PYGO1: variants seen among roughly 807,000 people sequenced by gnomAD.
PYGO1 encodes pygopus homolog 1.
In PYGO1, 6 loss-of-function variants were observed where a neutral mutation model predicts 29.5. That is an observed-to-expected ratio of 0.20 (90% CI 0.11 to 0.40). The LOEUF (loss-of-function observed/expected upper bound fraction) is 0.40, where lower values mean the gene tolerates loss of function less well. PYGO1 is among the 10% of genes least tolerant of loss of function. The pLI, the probability that PYGO1 is intolerant of heterozygous loss-of-function variation, is 1.00. For missense variants in PYGO1, 515 were observed against 514.9 expected, an observed-to-expected ratio of 1.00 and a Z score of 0.00; for synonymous variants, 186 against 180.5, an observed-to-expected ratio of 1.03 and a Z score of -0.24.
At chr15:55,562,409 T>C (rs1412028972) in intron 1 of PYGO1, among the ~76,000 whole-genome samples, 1 of 152,178 alleles carries the variant, frequency 6.6e-6, no homozygotes, top group African/African-American at 2.4e-5. Flanking sequence ...TGGTGGCTCA[T>C]GCCTGTAATC....
chr15:55,580,199 C>A (rs1333785267), intron 1 of PYGO1, among the ~76,000 whole-genome samples: 1 of 152,164 alleles, frequency 6.6e-6, no homozygotes, highest in Admixed American at 6.5e-5. Context: ...TGCAGATATT[C>A]ATAAATATTA....
intron 1 of PYGO1, among the ~76,000 whole-genome samples, chr15:55,571,589 T>C (rs773722504): frequency 2.0e-5 from 3 of 152,166 alleles, no homozygotes; most frequent in African/African-American, 4.8e-5. Context: ...GCACACGCTC[T>C]CTCTTTGCCT....
chr15:55,565,821 CCA>C (rs2141663361), intron 1 of PYGO1, among the ~76,000 whole-genome samples: 5 of 152,260 alleles, frequency 3.3e-5, no homozygotes, highest in African/African-American at 1.2e-4. Context: ...TCTCACTCTG[CCA>C]CCAGGCTGGA....
rs773087656 is a variant in PYGO1 at position 55,546,244 on chromosome 15, T to C, written c.1039A>G (p.Thr347Ala). Residue 347 changes from threonine (T) to alanine (A), a missense_variant, in exon 3 of 3, where the codon ACA (threonine) becomes GCA (alanine). Thr to Ala is a moderately conservative substitution (Grantham distance 58, BLOSUM62 0). Coordinates refer to ENST00000563719, the MANE Select transcript of PYGO1 (RefSeq NM_001367806.1). ...SDPVYPCGIC[T>A]NEVNDDQDAI... is the part of the protein sequence containing the mutation. ...TCCTGATCATCGTTCACCTCGTTTG[T>C]ACAAATTCCACAAGGATACACTGGG... The C allele has an allele frequency of 6.2e-7, 1 of 1,614,180 alleles. No individual in the cohort carries two copies. Among genetic ancestry groups the C allele is most frequent in the Non-Finnish European group, 8.5e-7 (1 of 1,180,008 alleles).
chr15:55,587,643 C>T (rs1248234697), intron 1 of PYGO1, among the ~76,000 whole-genome samples, 192 bp downstream of exon 1: 1 of 151,860 alleles, frequency 6.6e-6, no homozygotes, highest in East Asian at 2.0e-4. Context: ...GGGATCCGCG[C>T]GGATGTCTCG....
Position 55,546,301 on chromosome 15 carries a change from G to A in PYGO1, c.982C>T (p.His328Tyr). 5 of 1,614,214 alleles carry A rather than the reference G, an allele frequency of 3.1e-6. No individual in the cohort carries two copies. The highest frequency in any genetic ancestry group is 1.6e-4 in the Middle Eastern group (1 of 6,062). Reference sequence around the variant, plus strand: ...GACGAATGGCCATGACGGTTTGGGTGAAGAGAGGATTTATTGCTTTTTTCT... The same window carrying A: ...GACGAATGGCCATGACGGTTTGGGTAAAGAGAGGATTTATTGCTTTTTTCT... ...TTEKSNKSSLHPNRHGHSSSD... is the reference protein window; with the variant it reads ...TTEKSNKSSLYPNRHGHSSSD... The change falls in exon 3 of 3, where the codon CAC (histidine) becomes TAC (tyrosine). Residue 328 changes from histidine to tyrosine, a missense_variant. His to Tyr is a moderately conservative substitution (Grantham distance 83). Coordinates refer to ENST00000563719, the MANE Select transcript of PYGO1 (RefSeq NM_001367806.1).
At chr15:55,586,303 G>A (rs1208404887) in intron 1 of PYGO1, among the ~76,000 whole-genome samples, 2 of 151,968 alleles carry the variant, frequency 1.3e-5, no homozygotes, top group East Asian at 1.9e-4. Flanking sequence ...TCTATTCTCC[G>A]CACAGCAGCT....
At chr15:55,573,162 C>T (rs1028830687) in intron 1 of PYGO1, among the ~76,000 whole-genome samples, 7 of 151,958 alleles carry the variant, frequency 4.6e-5, no homozygotes, top group African/African-American at 1.2e-4. Context: ...AAAAATTAGC[C>T]GGGCGTGGTA....
rs2058829426 is a variant in PYGO1 at position 55,541,930 on chromosome 15, G to A, written c.*4093C>T. On this transcript the variant is annotated 3_prime_UTR_variant, in exon 3 of 3. Coordinates refer to ENST00000563719, the MANE Select transcript of PYGO1 (RefSeq NM_001367806.1). ...AGATTATGGTCTAAATGAGCCTTTAGGAGCTTCCCTATTGTGTAGAGTTCC... is the reference window on the plus strand; with the variant it reads ...AGATTATGGTCTAAATGAGCCTTTAAGAGCTTCCCTATTGTGTAGAGTTCC... The A allele has an allele frequency of 6.6e-6, 1 of 152,138 alleles. No individual in the cohort carries two copies. Among genetic ancestry groups the A allele is most frequent in the Non-Finnish European group, 1.5e-5 (1 of 68,032 alleles). 9.4% of individuals were successfully genotyped at this position (152,138 alleles called of 1,614,324 possible). A position where few individuals can be genotyped will look rare whatever the true frequency, so the allele number is the denominator to read the frequency against.
At chr15:55,547,234 G>A in intron 2 of PYGO1, 87 bp from the exon 3 acceptor site, 1 of 1,182,892 alleles carries the variant, frequency 8.5e-7, no homozygotes, top group Non-Finnish European at 1.1e-6. Context: ...TGTGAACCTA[G>A]TATTAGTCAA....
chr15:55,568,142 T>C (rs1418791082), intron 1 of PYGO1, among the ~76,000 whole-genome samples: 1 of 152,220 alleles, frequency 6.6e-6, no homozygotes, highest in East Asian at 1.9e-4. Flanking sequence ...AGAAATAGTG[T>C]TCAATGTGTA....
At chr15:55,576,753 G>A (rs1157657131) in intron 1 of PYGO1, among the ~76,000 whole-genome samples, 2 of 2,520 alleles carry the variant, frequency 7.9e-4, no homozygotes, top group African/African-American at 1.4e-3. Flanking sequence ...CAGCCTGGGC[G>A]ACAGATCAAA....
chr15:55,549,553 C>T (rs2058869619), intron 1 of PYGO1, among the ~76,000 whole-genome samples: 1 of 152,134 alleles, frequency 6.6e-6, no homozygotes, highest in Non-Finnish European at 1.5e-5. Context: ...GTTTCCAAGC[C>T]TCTGCTGTTG....
At chr15:55,570,915 T>C (rs2058977501) in intron 1 of PYGO1, among the ~76,000 whole-genome samples, 1 of 152,188 alleles carries the variant, frequency 6.6e-6, no homozygotes, top group Admixed American at 6.6e-5. Flanking sequence ...CATCTTAAAG[T>C]ATACAGTTCA....
intron 1 of PYGO1, among the ~76,000 whole-genome samples, chr15:55,582,197 G>C (rs894946753): frequency 1.8e-4 from 17 of 92,910 alleles, no homozygotes; most frequent in Admixed American, 5.2e-4. Flanking sequence ...ACAGAGCAAG[G>C]CTCCATCTCA....
At chr15:55,552,758 A>G (rs529451629) in intron 1 of PYGO1, among the ~76,000 whole-genome samples, 3 of 152,282 alleles carry the variant, frequency 2.0e-5, no homozygotes, top group African/African-American at 7.2e-5. Flanking sequence ...CCACTCAGGC[A>G]CACACAGAGA....
rs867302106 is a variant in PYGO1, at chr15:55,540,768, T to C, written c.*5255A>G. ...ACTAGTGCATGTGTTACTTTAGACA[T>C]GTTCTAAGAACAAAACAAAAAGTTA... On this transcript the variant is annotated 3_prime_UTR_variant, in exon 3 of 3. Transcript: ENST00000563719. 1 of 152,314 alleles carries C rather than the reference T, an allele frequency of 6.6e-6. No homozygotes were observed. The highest frequency in any genetic ancestry group is 2.1e-4 in the South Asian group (1 of 4,828). 9.4% of individuals were successfully genotyped at this position (152,314 alleles called of 1,614,324 possible).
At chr15:55,557,255 A>C (rs887222751) in intron 1 of PYGO1, among the ~76,000 whole-genome samples, 1 of 152,184 alleles carries the variant, frequency 6.6e-6, no homozygotes, top group African/African-American at 2.4e-5. Flanking sequence ...GAAATGCATA[A>C]ATTCCTCGAC....
At chr15:55,588,350 G>A (rs2059059463), upstream of PYGO1, among the ~76,000 whole-genome samples, 1 of 148,756 alleles carries the variant, frequency 6.7e-6, no homozygotes, top group African/African-American at 2.4e-5. Flanking sequence ...AGACACAAAA[G>A]CCCCCAGACT....
Sources: allele counts gnomAD v4.1 joint callset (sites outside exome capture counted in the v4.1 genomes callset), GRCh38; gene constraint gnomAD v4.1.1; transcripts MANE v1.5; gene names NCBI Gene and HGNC (gene_info 2026-07-23, HGNC 2026-07-21).